The following MCF2L variants were observed in gnomAD, a reference collection of about 807,000 sequenced individuals.
MCF2L encodes MCF.2 cell line derived transforming sequence like, also known as guanine nucleotide exchange factor DBS.
A neutral mutation model predicts 153.4 loss-of-function variants in MCF2L; 97 were observed. The ratio of observed to expected loss-of-function variants is 0.63; its 90% CI spans 0.54 to 0.75. The LOEUF (loss-of-function observed/expected upper bound fraction) is 0.75. Ranked by LOEUF, MCF2L falls within the 30% of genes least tolerant of loss-of-function variation. The pLI is 0.00. For synonymous variants in MCF2L, 659 were observed against 632.2 expected, an observed-to-expected ratio of 1.04 and a Z score of -0.64; for missense variants, 1,347 against 1,495.2, an observed-to-expected ratio of 0.90 and a Z score of 1.64.
At chr13:113,084,257 A>G (rs1038281390) in intron 18 of MCF2L, among the ~76,000 whole-genome samples, 190 bp downstream of exon 18, 4 of 151,128 alleles carry the variant, frequency 2.6e-5, no homozygotes, top group Non-Finnish European at 5.9e-5. Context: ...CCTGAACCCC[A>G]GAAAACCTCC....
At position 113,027,789 on chromosome 13, in the gene MCF2L, T is replaced by C. The variant is rs1486526646; in HGVS notation, c.278+3031T>C. The stretch of plus-strand genomic sequence containing the variant: ...TAGATGAGGCTTAATAACACGGTGA[T>C]GGCTGGAGAAAGGGGATGGCTGGGC... On this transcript the variant is annotated intron_variant, in intron 3 of 29. Coordinates refer to ENST00000535094, the MANE Select transcript of MCF2L (RefSeq NM_001112732.3). This position sits in a 1 kb window ranked among gnomAD's most constrained non-coding sequence, Gnocchi z 4.8. Among the ~76,000 whole-genome samples, 1 of 152,132 alleles carries C rather than the reference T, an allele frequency of 6.6e-6. No individual in the cohort carries two copies. Among genetic ancestry groups the C allele is most frequent in the Non-Finnish European group, 1.5e-5 (1 of 68,016 alleles).
intron 2 of MCF2L, among the ~76,000 whole-genome samples, chr13:113,023,967 G>A (rs1417472144): frequency 2.6e-5 from 4 of 152,336 alleles, no homozygotes; most frequent in Middle Eastern, 3.4e-3. Context: ...GCTCACTTCC[G>A]CTGAGTCCTG....
At chr13:112,917,097 T>C (rs575706687) in intron 2 of MCF2L, 2 of 471,230 alleles carry the variant, frequency 4.2e-6, no homozygotes, top group South Asian at 3.1e-5. Context: ...CTGCCTGATC[T>C]CTCCATCTGT....
At chr13:112,926,455 G>GAACGGCC (rs2081406438) in intron 2 of MCF2L, among the ~76,000 whole-genome samples, 1 of 151,194 alleles carries the variant, frequency 6.6e-6, no homozygotes, top group African/African-American at 2.4e-5. Flanking sequence ...GCGGAGTACT[G>GAACGGCC]TACGGCCTGG....
intron 1 of MCF2L, among the ~76,000 whole-genome samples, chr13:112,994,347 G>A (rs2083028171): frequency 6.6e-6 from 1 of 151,510 alleles, no homozygotes; most frequent in African/African-American, 2.4e-5. Flanking sequence ...CTCGGGCGGG[G>A]GCCAGTGTGG....
chr13:112,896,871 G>C (rs2081073047), intron 1 of MCF2L, among the ~76,000 whole-genome samples: 1 of 152,238 alleles, frequency 6.6e-6, no homozygotes, highest in African/African-American at 2.4e-5. Context: ...AGATGGAACA[G>C]GGCCCTGCGT....
intron 3 of MCF2L, chr13:113,026,884 C>G: frequency 1.3e-6 from 1 of 751,624 alleles, no homozygotes. Flanking sequence ...GGCAGGAGAG[C>G]AGCATCAGGC....
chr13:112,973,630 C>T (rs938756127), intron 1 of MCF2L, among the ~76,000 whole-genome samples: 14 of 152,352 alleles, frequency 9.2e-5, no homozygotes, highest in African/African-American at 2.6e-4. Flanking sequence ...TGACGCCCTC[C>T]ATGCGAAGAC....
Position 112,960,319 on chromosome 13 carries a change from C to T in MCF2L, c.170-54444C>T, listed in dbSNP as rs752689754. ...AAGCGCGCTCTCACAACTGAAACAG[C>T]GCTCGTCCAGTCATGAGGGCAGGGT... On this transcript the variant is annotated intron_variant, in intron 2 of 29. Coordinates refer to the MCF2L transcript ENST00000375608. This position sits in a 1 kb window ranked among gnomAD's most constrained non-coding sequence, Gnocchi z 4.2. 2.8e-4 allele frequency among the ~76,000 whole-genome samples: 43 copies of T among 152,166 alleles called. No homozygotes were observed. Among genetic ancestry groups the T allele is most frequent in the Non-Finnish European group, 5.0e-4 (34 of 68,026 alleles).
chr13:112,938,280 GCTGATGGGTTGGTTCAGGTGAGCT>G (rs1566649924), intron 2 of MCF2L, among the ~76,000 whole-genome samples: 1 of 144,140 alleles, frequency 6.9e-6, no homozygotes, highest in African/African-American at 2.6e-5. Flanking sequence ...TCAGGTGAGC[GCTGATGGGTTGGTTCAGGTGAGCT>G]CTGAGTGGTT....
At chr13:112,910,562 T>G (rs2081220239) in intron 2 of MCF2L, 1 of 152,256 alleles carries the variant, frequency 6.6e-6, no homozygotes, top group Non-Finnish European at 1.5e-5. Flanking sequence ...ACACCAAATA[T>G]GTGCAGTTTT....
intron 1 of MCF2L, chr13:112,979,186 T>C (rs1222374262): frequency 1.5e-5 from 5 of 328,376 alleles, no homozygotes; most frequent in Non-Finnish European, 2.2e-5. Context: ...TCCCTTCCTC[T>C]GGGTTTGTAG....
rs2081815229 is a variant in MCF2L at position 112,960,753 on chromosome 13, G to A, written c.170-54010G>A. ...CTTTCCTCGCCCTGTCCAGCCCCAG[G>A]TGCTGCCTGCATTCCTGGGCTCATG... On this transcript the variant is annotated intron_variant, in intron 2 of 29. Transcript: ENST00000375608. This position sits in a 1 kb window ranked among gnomAD's most constrained non-coding sequence, Gnocchi z 4.2. Among the ~76,000 whole-genome samples the A allele has an allele frequency of 6.6e-6, 1 of 152,140 alleles. No individual in the cohort carries two copies. Among genetic ancestry groups the A allele is most frequent in the Admixed American group, 6.5e-5 (1 of 15,282 alleles).
chr13:113,010,163 C>G (rs1443878052), intron 1 of MCF2L: 2 of 151,478 alleles, frequency 1.3e-5, no homozygotes, highest in Non-Finnish European at 2.9e-5. Flanking sequence ...CACCCGCCTC[C>G]AGTCCCCGTT....
At chr13:113,012,017 TGAG>T (rs1335078886) in intron 1 of MCF2L, among the ~76,000 whole-genome samples, 1 of 106,648 alleles carries the variant, frequency 9.4e-6, no homozygotes, top group East Asian at 3.1e-4. Flanking sequence ...GACACTGCGA[TGAG>T]GACAGTGGAC....
Position 113,096,604 on chromosome 13 carries a change from G to A in MCF2L, c.3243G>A (p.Leu1081=), listed in dbSNP as rs1257567910. 1.9e-6 allele frequency: 3 copies of A among 1,602,434 alleles called. No individual in the cohort carries two copies. Among genetic ancestry groups the A allele is most frequent in the South Asian group, 1.1e-5 (1 of 90,452 alleles). Residue 1081 remains leucine (L), a synonymous_variant, in exon 29 of 30, where the codon CTG becomes CTA. Coordinates refer to ENST00000535094, the MANE Select transcript of MCF2L (RefSeq NM_001112732.3). ...AGGGCTGGGTGCCGGCCAGCAGCCTGTCCGTCCGGCTCGGCCCGTCCGGCT... is the reference window on the plus strand; with the variant it reads ...AGGGCTGGGTGCCGGCCAGCAGCCTATCCGTCCGGCTCGGCCCGTCCGGCT... ...GKEGWVPASS[L]SVRLGPSGSA...
rs562341749 is a variant in MCF2L at position 113,056,696 on chromosome 13, T to C, written c.370-3897T>C. On this transcript the variant is annotated intron_variant, in intron 4 of 29. Transcript: ENST00000535094. ...GGGTGCGGAGTGTTTGGGTGCTGAGTGTTTAGGTGCTGTGTGTTTGGGTGC... is the reference window on the plus strand; with the variant it reads ...GGGTGCGGAGTGTTTGGGTGCTGAGCGTTTAGGTGCTGTGTGTTTGGGTGC... Among the ~76,000 whole-genome samples, 20 of 146,248 alleles carry C rather than the reference T, an allele frequency of 1.4e-4. No homozygotes were observed. In the East Asian group the frequency reaches 4.2e-3, roughly 31 times the overall value.
chr13:113,019,244 G>C (rs2084725583), intron 2 of MCF2L, among the ~76,000 whole-genome samples: 1 of 152,208 alleles, frequency 6.6e-6, no homozygotes, highest in Admixed American at 6.5e-5. Context: ...ACCTGCCTGG[G>C]CAGTCCTGAG....
intron 2 of MCF2L, among the ~76,000 whole-genome samples, chr13:113,021,076 GTA>G (rs1473502148): frequency 6.6e-6 from 1 of 152,004 alleles, no homozygotes; most frequent in Non-Finnish European, 1.5e-5. Context: ...ATATAGGTGT[GTA>G]TGTTTGTACA....
Sources: allele counts gnomAD v4.1 joint callset (sites outside exome capture counted in the v4.1 genomes callset), GRCh38; gene constraint gnomAD v4.1.1; non-coding constraint Gnocchi (gnomAD v3.1); transcripts MANE v1.5; gene names NCBI Gene and HGNC (gene_info 2026-07-23, HGNC 2026-07-21).